SNAP91: variants seen among roughly 807,000 people sequenced by gnomAD.
SNAP91 encodes the protein clathrin coat assembly protein AP180.
SNAP91 carries 27 observed loss-of-function variants against 100.3 expected under a neutral mutation model. The ratio of observed to expected loss-of-function variants is 0.27; its 90% CI spans 0.20 to 0.37. SNAP91 has a LOEUF of 0.37. SNAP91 is among the 10% of genes least tolerant of loss of function. SNAP91 has a pLI of 1.00. For synonymous variants in SNAP91, 404 were observed against 398.6 expected (o/e 1.01, Z -0.16); for missense variants, 986 against 1,123.7 (o/e 0.88, Z 1.75).
intron 29 of SNAP91, among the ~76,000 whole-genome samples, chr6:83,555,850 T>C (rs541044983): frequency 6.6e-6 from 1 of 152,338 alleles, no homozygotes; most frequent in African/African-American, 2.4e-5. Context: ...AATAAAGTGG[T>C]AATTTTCTAA....
chr6:83,704,484 A>G (rs1014732728), intron 2 of SNAP91, among the ~76,000 whole-genome samples: 1 of 152,204 alleles, frequency 6.6e-6, no homozygotes, highest in African/African-American at 2.4e-5. Context: ...TTCACCAGAT[A>G]TAATTCTGCC....
At chr6:83,558,484 G>T (rs1782198154) in intron 28 of SNAP91, among the ~76,000 whole-genome samples, 1 of 152,216 alleles carries the variant, frequency 6.6e-6, no homozygotes, top group Non-Finnish European at 1.5e-5. Context: ...GAAGGCTAGG[G>T]TTTCTCACAT....
chr6:83,674,646 G>C (rs1220631092), intron 2 of SNAP91, among the ~76,000 whole-genome samples: 2 of 152,068 alleles, frequency 1.3e-5, no homozygotes, highest in Non-Finnish European at 2.9e-5. Flanking sequence ...TGCTTTCAAA[G>C]AATGTTCAAA....
At chr6:83,656,606 G>A (rs1030344759) in intron 7 of SNAP91, 148 bp downstream of exon 7, 41 of 514,648 alleles carry the variant, frequency 8.0e-5, no homozygotes, top group African/African-American at 6.4e-4. Flanking sequence ...ATATCGTTCT[G>A]CCAGTACCAC....
chr6:83,567,520 A>C (rs2127982322), intron 26 of SNAP91, among the ~76,000 whole-genome samples: 1 of 152,338 alleles, frequency 6.6e-6, no homozygotes, highest in Non-Finnish European at 1.5e-5. Context: ...GAAACGAAAG[A>C]GCTTCTGCAC....
At chr6:83,562,683 C>T (rs897719775) in intron 26 of SNAP91, among the ~76,000 whole-genome samples, 3 of 152,150 alleles carry the variant, frequency 2.0e-5, no homozygotes, top group South Asian at 2.1e-4. Context: ...TGTGCATATA[C>T]GCCACAACAA....
At chr6:83,621,071 C>T (rs936586718) in intron 9 of SNAP91, among the ~76,000 whole-genome samples, 10 of 150,814 alleles carry the variant, frequency 6.6e-5, no homozygotes, top group South Asian at 2.1e-4. Context: ...GGATACTTGG[C>T]GCAGGTTTGT....
At chr6:83,615,942 C>G (rs2096461445) in intron 10 of SNAP91, among the ~76,000 whole-genome samples, 1 of 152,140 alleles carries the variant, frequency 6.6e-6, no homozygotes, top group Non-Finnish European at 1.5e-5. Context: ...GTTGTCTCTA[C>G]TAACTCCTGC....
chr6:83,684,448 T>G (rs1216077866), intron 2 of SNAP91, among the ~76,000 whole-genome samples: 1 of 152,188 alleles, frequency 6.6e-6, no homozygotes, highest in African/African-American at 2.4e-5. Flanking sequence ...GCCTGGCATT[T>G]TCTTCTTCCA....
chr6:83,578,336 A>G (rs1182810886), intron 24 of SNAP91, among the ~76,000 whole-genome samples: 2 of 152,090 alleles, frequency 1.3e-5, no homozygotes, highest in African/African-American at 2.4e-5. Context: ...TTTACCAGCA[A>G]TGTCTGTGGG....
At chr6:83,575,315 T>TA in intron 25 of SNAP91, 194 bp from the exon 26 acceptor site, 3 of 565,238 alleles carry the variant, frequency 5.3e-6, no homozygotes, top group Admixed American at 3.4e-5. Flanking sequence ...TAAAAGCATT[T>TA]GAAAAAAAAT....
At chr6:83,664,551 G>A (rs2098638492) in intron 3 of SNAP91, among the ~76,000 whole-genome samples, 1 of 152,120 alleles carries the variant, frequency 6.6e-6, no homozygotes, top group South Asian at 2.1e-4. Flanking sequence ...TGGACATGGA[G>A]CCTGAAGATG....
intron 7 of SNAP91, among the ~76,000 whole-genome samples, chr6:83,641,721 C>A (rs1323162298): frequency 2.0e-5 from 3 of 152,132 alleles, no homozygotes; most frequent in African/African-American, 7.2e-5. Flanking sequence ...TTCTTTCAAA[C>A]ATCATGATGT....
intron 2 of SNAP91, chr6:83,685,995 ACATGTAAG>A (rs923709875): frequency 6.0e-6 from 1 of 166,878 alleles, no homozygotes; most frequent in African/African-American, 2.4e-5. Flanking sequence ...TCCTTACCTC[ACATGTAAG>A]CTCTACAAGG....
chr6:83,634,076 A>G (rs958269320), intron 8 of SNAP91, among the ~76,000 whole-genome samples: 2 of 152,168 alleles, frequency 1.3e-5, no homozygotes, highest in Non-Finnish European at 2.9e-5. Flanking sequence ...CGTTGTGCAC[A>G]TGTACCCTAA....
chr6:83,610,715 A>G, intron 11 of SNAP91, 38 bp from the exon 12 acceptor site: 2 of 148,632 alleles, frequency 1.3e-5, no homozygotes, highest in Non-Finnish European at 2.4e-5. Flanking sequence ...AACTGAATAT[A>G]TATATATATA....
intron 8 of SNAP91, among the ~76,000 whole-genome samples, chr6:83,639,719 G>A (rs2128538646): frequency 6.6e-6 from 1 of 152,182 alleles, no homozygotes; most frequent in Non-Finnish European, 1.5e-5. Context: ...TTAGAGAAGT[G>A]TATACCCCAG....
chr6:83,615,051 A>G (rs994192493), intron 10 of SNAP91, among the ~76,000 whole-genome samples, 189 bp from the exon 11 acceptor site: 1 of 152,218 alleles, frequency 6.6e-6, no homozygotes, highest in Admixed American at 6.5e-5. Flanking sequence ...GAAAAAAGTA[A>G]TTTGAAATGG....
At chr6:83,629,162 A>G (rs920498137) in intron 8 of SNAP91, among the ~76,000 whole-genome samples, 1 of 152,140 alleles carries the variant, frequency 6.6e-6, no homozygotes, top group Non-Finnish European at 1.5e-5. Flanking sequence ...GTTGAAGATC[A>G]GTAAGCTGTA....
Sources: allele counts gnomAD v4.1 joint callset (sites outside exome capture counted in the v4.1 genomes callset), GRCh38; gene constraint gnomAD v4.1.1; transcripts MANE v1.5; gene names NCBI Gene and HGNC (gene_info 2026-07-23, HGNC 2026-07-21).